GOLGA8A: variants seen among roughly 807,000 people sequenced by gnomAD.
GOLGA8A encodes golgin subfamily A member 8A.
GOLGA8A carries 3 observed loss-of-function variants against 22.1 expected under a neutral mutation model. The ratio of observed to expected loss-of-function variants is 0.14; its 90% CI spans 0.06 to 0.35. The LOEUF (loss-of-function observed/expected upper bound fraction) is 0.35. Among genes scored for constraint, GOLGA8A ranks in the 10% least tolerant of loss-of-function variants. GOLGA8A has a pLI of 1.00. For missense variants in GOLGA8A, 16 were observed against 233.2 expected, an observed-to-expected ratio of 0.07 and a Z score of 6.07; for synonymous variants, 7 against 91.7, an observed-to-expected ratio of 0.08 and a Z score of 5.28.
At chr15:34,399,067 T>C (rs533974524) in intron 7 of GOLGA8A, 88 bp downstream of exon 7, 4,786 of 141,968 alleles carry the variant, frequency 0.034, 75 homozygotes, top group African/African-American at 0.12. Flanking sequence ...TAAAATTTCT[T>C]GAAGAGAACC....
intron 4 of GOLGA8A, among the ~76,000 whole-genome samples, chr15:34,406,133 G>GT (rs1390370287): frequency 1.2e-5 from 1 of 86,414 alleles, no homozygotes; most frequent in Non-Finnish European, 2.4e-5. Context: ...GCAGCTTGCC[G>GT]TAAGGTATCC....
intron 1 of GOLGA8A, among the ~76,000 whole-genome samples, chr15:34,437,003 A>C (rs1893552937): frequency 6.7e-6 from 1 of 149,168 alleles, no homozygotes; most frequent in Non-Finnish European, 1.5e-5. Flanking sequence ...GCCGGCGCCA[A>C]GCCGGGCAGC....
chr15:34,398,910 G>C (rs1233194826), intron 7 of GOLGA8A, among the ~76,000 whole-genome samples, 181 bp from the exon 8 acceptor site: 29 of 128,798 alleles, frequency 2.3e-4, no homozygotes, highest in African/African-American at 7.6e-4. Context: ...AACGGATGTT[G>C]CAAGTGGCCT....
chr15:34,429,526 C>G (rs1372035948), intron 2 of GOLGA8A, among the ~76,000 whole-genome samples: 1 of 148,570 alleles, frequency 6.7e-6, no homozygotes, highest in Non-Finnish European at 1.5e-5. Context: ...CCACCCCAAC[C>G]TACCGTGGGG....
chr15:34,429,508 T>A (rs1460668327), intron 2 of GOLGA8A, among the ~76,000 whole-genome samples: 4 of 147,564 alleles, frequency 2.7e-5, no homozygotes, highest in Non-Finnish European at 6.0e-5. Flanking sequence ...TAGGATGGGG[T>A]CCATGATCCA....
rs1721981194 is a variant in GOLGA8A, at chr15:34,381,182, TGAAAA to T, written c.*224_*228del. 1 of 738,500 alleles carries T rather than the reference TGAAAA, an allele frequency of 1.4e-6. No homozygotes were observed. Among genetic ancestry groups the T allele is most frequent in the South Asian group, 1.9e-5 (1 of 53,022 alleles). The allele number at this position is 738,500 out of a possible 1,614,324, so 45.7% of individuals were successfully genotyped here. ...ATGCTAATGACCTACAATTATGAAA[TGAAAA>T]AAGAAAAATGCTGAAGGATGCCAGA... On this transcript the variant is annotated 3_prime_UTR_variant, in exon 25 of 25. Coordinates refer to ENST00000359187, the MANE Select transcript of GOLGA8A (RefSeq NM_181077.5).
At chr15:34,430,911 C>G (rs191994554) in intron 2 of GOLGA8A, among the ~76,000 whole-genome samples, 1 of 149,412 alleles carries the variant, frequency 6.7e-6, no homozygotes, top group Admixed American at 6.7e-5. Context: ...ACGCCTGGCC[C>G]CACTGCACCA....
At position 34,437,399 on chromosome 15, in the gene GOLGA8A, T is replaced by C. The variant is rs1893583193; in HGVS notation, c.-1213A>G. On this transcript the variant is annotated splice_region_variant and 5_prime_UTR_variant, in exon 1 of 25. Transcript: ENST00000359187. ...GGCAGCCGAGGTTCCCCAGCTTACC[T>C]GGCCAGGGCGCGGGGCTGCCCCGGT... The C allele has an allele frequency of 7.1e-6, 1 of 140,806 alleles. No individual in the cohort carries two copies. The highest frequency in any genetic ancestry group is 7.1e-5 in the Admixed American group (1 of 14,164). 8.7% of individuals were successfully genotyped at this position (140,806 alleles called of 1,614,324 possible). A position where few individuals can be genotyped will look rare whatever the true frequency, so the allele number is the denominator to read the frequency against.
intron 2 of GOLGA8A, chr15:34,418,093 C>G (rs1892646370): frequency 8.7e-6 from 1 of 114,374 alleles, no homozygotes; most frequent in African/African-American, 3.2e-5. Flanking sequence ...TCCAGATTTC[C>G]CACTTTTTCA....
chr15:34,400,825 A>G (rs1230714757), intron 5 of GOLGA8A, 66 bp from the exon 6 acceptor site: 1 of 142,202 alleles, frequency 7.0e-6, no homozygotes, highest in Non-Finnish European at 1.6e-5. Context: ...CAATCATAAG[A>G]TATATCCACA....
Position 34,425,937 on chromosome 15 carries a change from C to T in GOLGA8A, c.-1123+9446G>A, listed in dbSNP as rs961208433. 7.7e-5 allele frequency among the ~76,000 whole-genome samples: 11 copies of T among 142,156 alleles called. 4 individuals are homozygous for T. Among genetic ancestry groups the T allele is most frequent in the Admixed American group, 1.5e-4 (2 of 13,532 alleles). 93.3% of individuals were successfully genotyped at this position (142,156 alleles called of 152,430 possible). On this transcript the variant is annotated intron_variant, in intron 2 of 24. Transcript: ENST00000359187. ...AAGACTGATCATGTCCAGAGAGCGT[C>T]GATGTCCAGAGAGTGTCGATGTCCA...
chr15:34,437,122 C>A (rs1383047364), intron 1 of GOLGA8A, among the ~76,000 whole-genome samples: 2 of 147,158 alleles, frequency 1.4e-5, no homozygotes, highest in African/African-American at 5.0e-5. Flanking sequence ...TGAGCCCCTC[C>A]CGGGATGCGA....
chr15:34,435,032 C>G lies in GOLGA8A; in HGVS notation c.-1123+351G>C, dbSNP rs141155470. Among the ~76,000 whole-genome samples the G allele has an allele frequency of 1.5e-3, 221 of 149,812 alleles. 14 individuals carry two copies. The East Asian group carries it at 0.035, about 24-fold the overall frequency. ...TCGATCCCCACCGACCGCCAGTCCT[C>G]TCCTCCCCTGGACAGTAAAGGTTTC... On this transcript the variant is annotated intron_variant, in intron 2 of 24. Transcript: ENST00000359187.
intron 2 of GOLGA8A, chr15:34,420,195 C>T (rs1390183174): frequency 6.8e-6 from 1 of 146,550 alleles, no homozygotes; most frequent in East Asian, 2.1e-4. Context: ...TCAGGCATCT[C>T]ACCAGCCGAT....
At chr15:34,427,789 CA>C (rs1893048458) in intron 2 of GOLGA8A, among the ~76,000 whole-genome samples, 1 of 147,828 alleles carries the variant, frequency 6.8e-6, no homozygotes, top group African/African-American at 2.5e-5. Context: ...ATAAATAAGC[CA>C]GGGCTCTACT....
At chr15:34,431,266 G>A in intron 2 of GOLGA8A, among the ~76,000 whole-genome samples, 1 of 107,188 alleles carries the variant, frequency 9.3e-6, no homozygotes. Flanking sequence ...TTCCAGGAAT[G>A]CCAAACCAAC....
Position 34,431,291 on chromosome 15 carries a change from TTA to T in GOLGA8A, c.-1123+4090_-1123+4091del, listed in dbSNP as rs1228048903. On this transcript the variant is annotated intron_variant, in intron 2 of 24. Transcript: ENST00000359187. The stretch of plus-strand genomic sequence containing the variant: ...GCCAAACCAACCAAATGAAAAAAAA[TTA>T]TATATATATATATATATACATATAT... 4.4e-3 allele frequency among the ~76,000 whole-genome samples: 498 copies of T among 112,112 alleles called. 22 individuals carry two copies. The highest frequency in any genetic ancestry group is 0.016 in the African/African-American group (448 of 28,246). 73.5% of individuals were successfully genotyped at this position (112,112 alleles called of 152,430 possible).
chr15:34,409,680 CA>C, intron 2 of GOLGA8A: 1 of 770,836 alleles, frequency 1.3e-6, no homozygotes, highest in South Asian at 1.4e-5. Context: ...GCGCGGGGAG[CA>C]GCATGTTGGA....
intron 2 of GOLGA8A, among the ~76,000 whole-genome samples, chr15:34,425,182 A>G (rs1892933157): frequency 6.8e-6 from 1 of 146,900 alleles, no homozygotes; most frequent in African/African-American, 2.5e-5. Flanking sequence ...ATGAAGAGGT[A>G]ATGGCCCTTT....
Sources: allele counts gnomAD v4.1 joint callset (sites outside exome capture counted in the v4.1 genomes callset), GRCh38; gene constraint gnomAD v4.1.1; transcripts MANE v1.5; gene names NCBI Gene and HGNC (gene_info 2026-07-23, HGNC 2026-07-21).